OSBPL3: variants seen among roughly 807,000 people sequenced by gnomAD.
OSBPL3 encodes oxysterol binding protein like 3.
In OSBPL3, 65 loss-of-function variants were observed where a neutral mutation model predicts 120.1. The ratio of observed to expected loss-of-function variants is 0.54; its 90% CI spans 0.44 to 0.67. OSBPL3 has a LOEUF of 0.67. Among genes scored for constraint, OSBPL3 ranks in the 30% least tolerant of loss-of-function variants. OSBPL3 has a pLI of 0.00. For synonymous variants in OSBPL3, 416 were observed against 402.6 expected (o/e 1.03, Z -0.40); for missense variants, 1,004 against 1,082.1 (o/e 0.93, Z 1.01).
At position 24,815,243 on chromosome 7, in the gene OSBPL3, G is replaced by T. The variant is rs1794329401; in HGVS notation, c.2028-40C>A. The T allele has an allele frequency of 1.9e-6, 3 of 1,560,456 alleles. No individual in the cohort carries two copies. The highest frequency in any genetic ancestry group is 8.8e-7 in the Non-Finnish European group (1 of 1,137,380). On this transcript the variant is annotated intron_variant, in intron 18 of 22. Transcript: ENST00000313367. The surrounding 1 kb of genome is among the most constrained non-coding windows in gnomAD (Gnocchi z 5.1). Reference sequence around the variant, plus strand: ...AAAGTAGAAGTACCAATTTCTAGAAGAGCCAGCAGCAAATGCAAACAAACT... The same window carrying T: ...AAAGTAGAAGTACCAATTTCTAGAATAGCCAGCAGCAAATGCAAACAAACT...
rs1034004157 is a variant in OSBPL3, at chr7:24,937,608, A to G, written c.-150+42278T>C. ...CAATACAGCAGTGAACAGAGCATACATGAGACGTCCCAATACATGTGCCAC... is the reference window on the plus strand; with the variant it reads ...CAATACAGCAGTGAACAGAGCATACGTGAGACGTCCCAATACATGTGCCAC... On this transcript the variant is annotated intron_variant, in intron 1 of 22. Transcript: ENST00000313367. The surrounding 1 kb of genome is among the most constrained non-coding windows in gnomAD (Gnocchi z 4.0). 1.3e-5 allele frequency among the ~76,000 whole-genome samples: 2 copies of G among 152,238 alleles called. No homozygotes were observed. Among genetic ancestry groups the G allele is most frequent in the African/African-American group, 4.8e-5 (2 of 41,450 alleles).
Position 24,863,767 on chromosome 7 carries a change from A to G in OSBPL3, c.674-168T>C, listed in dbSNP as rs1384910589. Among the ~76,000 whole-genome samples the G allele has an allele frequency of 6.6e-6, 1 of 152,070 alleles. No individual in the cohort carries two copies. The highest frequency in any genetic ancestry group is 2.4e-5 in the African/African-American group (1 of 41,386). On this transcript the variant is annotated intron_variant, in intron 7 of 22. Transcript: ENST00000313367. The surrounding 1 kb of genome is among the most constrained non-coding windows in gnomAD (Gnocchi z 5.8). ...TTTTACAGGAAAGGCTGTAGACTCTAGTGGTTAAGGGCATGAATCTTGAGA... is the reference window on the plus strand; with the variant it reads ...TTTTACAGGAAAGGCTGTAGACTCTGGTGGTTAAGGGCATGAATCTTGAGA...
rs117333598 is a variant in OSBPL3 at position 24,818,973 on chromosome 7, G to C, written c.1948+1202C>G. On this transcript the variant is annotated intron_variant, in intron 17 of 22. Coordinates refer to ENST00000313367, the MANE Select transcript of OSBPL3 (RefSeq NM_015550.4). The surrounding 1 kb of genome is among the most constrained non-coding windows in gnomAD (Gnocchi z 4.0). ...CGCATTAAAAAAAAATCCAACTTTTGGCTGGGCGCAGTGGCTCATGCCTGT... is the reference window on the plus strand; with the variant it reads ...CGCATTAAAAAAAAATCCAACTTTTCGCTGGGCGCAGTGGCTCATGCCTGT... Among the ~76,000 whole-genome samples, 1 of 152,114 alleles carries C rather than the reference G, an allele frequency of 6.6e-6. No individual in the cohort carries two copies. Among genetic ancestry groups the C allele is most frequent in the South Asian group, 2.1e-4 (1 of 4,830 alleles).
intron 12 of OSBPL3, among the ~76,000 whole-genome samples, chr7:24,846,854 G>C (rs947706331): frequency 1.3e-5 from 2 of 152,096 alleles, no homozygotes; most frequent in Non-Finnish European, 2.9e-5. Flanking sequence ...CACAAGGTCA[G>C]GAGATCGAGA....
chr7:24,924,015 C>G (rs1810731735), intron 1 of OSBPL3, among the ~76,000 whole-genome samples: 1 of 152,190 alleles, frequency 6.6e-6, no homozygotes, highest in African/African-American at 2.4e-5. Flanking sequence ...ATCTGGGAAA[C>G]CTACTTGGCT....
intron 10 of OSBPL3, among the ~76,000 whole-genome samples, chr7:24,860,000 C>T (rs1800304043): frequency 1.3e-5 from 2 of 152,146 alleles, no homozygotes; most frequent in South Asian, 4.1e-4. Flanking sequence ...CCCAGTTTCT[C>T]CCAGTAGTTA....
intron 1 of OSBPL3, among the ~76,000 whole-genome samples, chr7:24,919,616 A>G (rs575061340): frequency 1.3e-5 from 2 of 152,172 alleles, no homozygotes; most frequent in South Asian, 4.2e-4. Context: ...TTTCTGATAT[A>G]CGGCACTTAA....
chr7:24,971,107 G>A (rs916770600), intron 1 of OSBPL3, among the ~76,000 whole-genome samples: 1 of 152,244 alleles, frequency 6.6e-6, no homozygotes, highest in African/African-American at 2.4e-5. Context: ...CCAGAGGCAG[G>A]TACCACAGGA....
rs1410455669 is a variant in OSBPL3 at position 24,967,912 on chromosome 7, ACT to A, written c.-150+11972_-150+11973del. ...GCTCAGCATATTCAAAACCAAAAGC[ACT>A]CTCTTTCTCTAAGATCTACTCATCT... On this transcript the variant is annotated intron_variant, in intron 1 of 22. Transcript: ENST00000313367. The surrounding 1 kb of genome is among the most constrained non-coding windows in gnomAD (Gnocchi z 5.6). Among the ~76,000 whole-genome samples, 1 of 151,724 alleles carries A rather than the reference ACT, an allele frequency of 6.6e-6. No homozygotes were observed. The highest frequency in any genetic ancestry group is 1.5e-5 in the Non-Finnish European group (1 of 67,936).
intron 1 of OSBPL3, among the ~76,000 whole-genome samples, chr7:24,979,591 G>T (rs1317936870): frequency 6.6e-6 from 1 of 152,184 alleles, no homozygotes; most frequent in Non-Finnish European, 1.5e-5. Context: ...TCCCGCACCT[G>T]CGCCGCGGCC....
chr7:24,920,667 A>C (rs1810279189), intron 1 of OSBPL3, among the ~76,000 whole-genome samples: 1 of 152,204 alleles, frequency 6.6e-6, no homozygotes, highest in African/African-American at 2.4e-5. Context: ...AAACTCCAAC[A>C]AGGAAGTTAT....
rs985736132 is a variant in OSBPL3 at position 24,930,816 on chromosome 7, T to C, written c.-149-38195A>G. On this transcript the variant is annotated intron_variant, in intron 1 of 22. Coordinates refer to ENST00000313367, the MANE Select transcript of OSBPL3 (RefSeq NM_015550.4). This position sits in a 1 kb window ranked among gnomAD's most constrained non-coding sequence, Gnocchi z 4.4. ...TTGAGGTGAAGGATTTCTGATTAAA[T>C]GAATTCATCAATGAGATTTTGTCAC... 6.6e-6 allele frequency among the ~76,000 whole-genome samples: 1 copy of C among 152,236 alleles called. No individual in the cohort carries two copies. The highest frequency in any genetic ancestry group is 2.4e-5 in the African/African-American group (1 of 41,458).
rs886433711 is a variant in OSBPL3, at chr7:24,833,804, G to A, written c.1746+682C>T. ...TGATCTGCCCAGAGTCTTGCCCTTT[G>A]GGTACTCCCTTCCCAATCTCCCTAC... On this transcript the variant is annotated intron_variant, in intron 15 of 22. Coordinates refer to ENST00000313367, the MANE Select transcript of OSBPL3 (RefSeq NM_015550.4). The surrounding 1 kb of genome is among the most constrained non-coding windows in gnomAD (Gnocchi z 4.4). Among the ~76,000 whole-genome samples the A allele has an allele frequency of 6.6e-6, 1 of 152,084 alleles. No individual in the cohort carries two copies. The highest frequency in any genetic ancestry group is 1.5e-5 in the Non-Finnish European group (1 of 68,026).
At position 24,812,570 on chromosome 7, in the gene OSBPL3, G is replaced by A. The variant is rs75974632; in HGVS notation, c.2172+2489C>T. Reference sequence around the variant, plus strand: ...AGTTGGTTTTTTTTGTTTGTTTTTTGTTTTTCAAATTACCTGGCTGCCCTA... The same window carrying A: ...AGTTGGTTTTTTTTGTTTGTTTTTTATTTTTCAAATTACCTGGCTGCCCTA... On this transcript the variant is annotated intron_variant, in intron 19 of 22. Coordinates refer to ENST00000313367, the MANE Select transcript of OSBPL3 (RefSeq NM_015550.4). Among the ~76,000 whole-genome samples, 88 of 151,908 alleles carry A rather than the reference G, an allele frequency of 5.8e-4. 1 individual carries two copies. In the East Asian group the frequency reaches 0.016, roughly 27 times the overall value.
In OSBPL3 at chr7:24,967,535, G is replaced by C. The variant is rs564399987; in HGVS notation, c.-150+12351C>G. On this transcript the variant is annotated intron_variant, in intron 1 of 22. Transcript: ENST00000313367. The surrounding 1 kb of genome is among the most constrained non-coding windows in gnomAD (Gnocchi z 5.6). ...TCATGGAAAAAGTACCCACCCCAGAGAATGATTGTGAGAATTAAATCAGGT... is the reference window on the plus strand; with the variant it reads ...TCATGGAAAAAGTACCCACCCCAGACAATGATTGTGAGAATTAAATCAGGT... Among the ~76,000 whole-genome samples, 6 of 152,266 alleles carry C rather than the reference G, an allele frequency of 3.9e-5. No homozygotes were observed. The East Asian group carries it at 7.7e-4, about 20-fold the overall frequency.
At chr7:24,910,883 C>A (rs1418817874) in intron 1 of OSBPL3, among the ~76,000 whole-genome samples, 1 of 152,198 alleles carries the variant, frequency 6.6e-6, no homozygotes, top group East Asian at 1.9e-4. Flanking sequence ...CATTTCTCAA[C>A]CCCGGCTGCG....
rs17851558 is a variant in OSBPL3, at chr7:24,863,520, C to T, written c.753G>A (p.Ser251=). 0.084 allele frequency: 135,775 copies of T among 1,613,244 alleles called. 6,634 individuals carry two copies. The highest frequency in any genetic ancestry group is 0.1 in the Non-Finnish European group (117,984 of 1,179,274). ...QSMDVLHRTY[S]APAINAIQGG... ...CCTGGATGGCGTTGATAGCTGGTGCCGAGTATGTCCGATGCAGGACGTCCA... is the reference window on the plus strand; with the variant it reads ...CCTGGATGGCGTTGATAGCTGGTGCTGAGTATGTCCGATGCAGGACGTCCA... Residue 251 remains serine (S), a synonymous_variant, in exon 8 of 23, where the codon TCG becomes TCA. Transcript: ENST00000313367. This position sits in a 1 kb window ranked among gnomAD's most constrained non-coding sequence, Gnocchi z 5.8.
intron 1 of OSBPL3, among the ~76,000 whole-genome samples, chr7:24,956,772 T>A (rs898918995): frequency 9.2e-5 from 14 of 152,252 alleles, no homozygotes; most frequent in Admixed American, 2.0e-4. Flanking sequence ...TACTGTTTTG[T>A]TTCTTTATAA....
Position 24,883,503 on chromosome 7 carries a change from G to C in OSBPL3, c.96+8874C>G, listed in dbSNP as rs895385900. ...CTGCTATGCTGTGCTCTCAACCAGA[G>C]CATCTGGGCCAGGGTTCTGCCTTCC... On this transcript the variant is annotated intron_variant, in intron 2 of 22. Transcript: ENST00000313367. The surrounding 1 kb of genome is among the most constrained non-coding windows in gnomAD (Gnocchi z 5.4). Among the ~76,000 whole-genome samples the C allele has an allele frequency of 6.6e-6, 1 of 152,146 alleles. No homozygotes were observed. The highest frequency in any genetic ancestry group is 1.5e-5 in the Non-Finnish European group (1 of 68,022).
Sources: gnomAD v4.1 joint callset for allele counts (sites outside exome capture counted in the v4.1 genomes callset) on GRCh38, gnomAD v4.1.1 for gene constraint, Gnocchi (gnomAD v3.1) non-coding constraint, MANE v1.5 for transcripts, NCBI Gene and HGNC (gene_info 2026-07-23, HGNC 2026-07-21) for gene names.